UHMK1: variants seen among roughly 807,000 people sequenced by gnomAD.
The protein encoded by UHMK1 is U2AF homology motif kinase 1.
UHMK1 carries 18 observed loss-of-function variants against 44.0 expected under a neutral mutation model. The ratio of observed to expected loss-of-function variants is 0.41; its 90% CI spans 0.28 to 0.61. The LOEUF (loss-of-function observed/expected upper bound fraction) is 0.61, where lower values mean the gene tolerates loss of function less well. UHMK1 is among the 20% of genes least tolerant of loss of function. UHMK1 has a pLI of 0.31. For missense variants in UHMK1, 463 were observed against 522.5 expected (o/e 0.89, Z 1.11); for synonymous variants, 231 against 198.5 (o/e 1.16, Z -1.38).
chr1:162,501,026 G>T lies in UHMK1; in HGVS notation c.675G>T (p.Leu225=). 6.2e-7 allele frequency: 1 copy of T among 1,614,084 alleles called. No homozygotes were observed. Among genetic ancestry groups the T allele is most frequent in the South Asian group, 1.1e-5 (1 of 91,068 alleles). Residue 225 remains leucine, a synonymous_variant, in exon 3 of 8, where the codon CTG becomes CTT. Transcript: ENST00000489294. ...SDTECTSAVD[L]WSLGIILLEM... ...CAGAATGTACCTCAGCTGTTGATCT[G>T]TGGAGCCTAGGAATCATTTTACTGG...
chr1:162,511,940 GTC>G (rs1651683761), intron 4 of UHMK1, among the ~76,000 whole-genome samples: 1 of 151,860 alleles, frequency 6.6e-6, no homozygotes, highest in Non-Finnish European at 1.5e-5. Flanking sequence ...TGTTTCATCA[GTC>G]TGTGTGTCTG....
At chr1:162,501,723 T>G (rs1405546349) in intron 3 of UHMK1, among the ~76,000 whole-genome samples, 1 of 152,158 alleles carries the variant, frequency 6.6e-6, no homozygotes, top group Non-Finnish European at 1.5e-5. Flanking sequence ...AGTTCTAAAG[T>G]GTTACTAATA....
chr1:162,501,477 T>C (rs987645610), intron 3 of UHMK1, among the ~76,000 whole-genome samples: 1 of 152,190 alleles, frequency 6.6e-6, no homozygotes, highest in African/African-American at 2.4e-5. Flanking sequence ...CAATTTATGA[T>C]GATTCTTTTA....
intron 3 of UHMK1, among the ~76,000 whole-genome samples, chr1:162,502,240 C>T (rs1651297398): frequency 6.6e-6 from 1 of 152,164 alleles, no homozygotes; most frequent in Admixed American, 6.5e-5. Context: ...TATTAAGCAA[C>T]AAGTTTTTGA....
rs1652337631 is a variant in UHMK1 at position 162,528,715 on chromosome 1, CTG to C, written c.*6167_*6168del. Reference sequence around the variant, plus strand: ...CTCTGTAGATTATTTACTTTGCAGACTGTAAAGCTGCCCTATCTTTTCCAGCA... The same window carrying C: ...CTCTGTAGATTATTTACTTTGCAGACTAAAGCTGCCCTATCTTTTCCAGCA... On this transcript the variant is annotated 3_prime_UTR_variant, in exon 8 of 8. Coordinates refer to ENST00000489294, the MANE Select transcript of UHMK1 (RefSeq NM_175866.5). 1 of 152,078 alleles carries C rather than the reference CTG, an allele frequency of 6.6e-6. No individual in the cohort carries two copies. The highest frequency in any genetic ancestry group is 1.5e-5 in the Non-Finnish European group (1 of 67,966). 9.4% of individuals were successfully genotyped at this position (152,078 alleles called of 1,614,324 possible). A position where few individuals can be genotyped will look rare whatever the true frequency, so the allele number is the denominator to read the frequency against.
chr1:162,501,244 A>G, intron 3 of UHMK1, 140 bp downstream of exon 3: 1 of 791,258 alleles, frequency 1.3e-6, no homozygotes, highest in Non-Finnish European at 1.9e-6. Context: ...ATCTCAGCTC[A>G]CTGCAACCTC....
intron 1 of UHMK1, 37 bp downstream of exon 1, chr1:162,498,305 TCACA>T (rs1651138191): frequency 1.3e-6 from 2 of 1,549,976 alleles, no homozygotes; most frequent in Non-Finnish European, 1.7e-6. Flanking sequence ...CTTGCCCAGG[TCACA>T]GTCCGAGCAC....
chr1:162,529,503 T>C lies in UHMK1; in HGVS notation c.*6953T>C, dbSNP rs1246072665. 5 of 152,196 alleles carry C rather than the reference T, an allele frequency of 3.3e-5. No homozygotes were observed. The highest frequency in any genetic ancestry group is 5.9e-5 in the Non-Finnish European group (4 of 67,994). The allele number at this position is 152,196 out of a possible 1,614,324, so 9.4% of individuals were successfully genotyped here. ...CTGAAGACTTTTTCTGTAAACACAA[T>C]TGCCTTGTTCAGTTTTGTTGTAAAC... On this transcript the variant is annotated 3_prime_UTR_variant, in exon 8 of 8. Transcript: ENST00000489294.
In UHMK1 at chr1:162,526,421, T is replaced by A. The variant is rs1652254679; in HGVS notation, c.*3871T>A. The A allele has an allele frequency of 2.0e-5, 3 of 152,142 alleles. No homozygotes were observed. The highest frequency in any genetic ancestry group is 7.2e-5 in the African/African-American group (3 of 41,432). 9.4% of individuals were successfully genotyped at this position (152,142 alleles called of 1,614,324 possible). ...TAGACACTTATGCAGGGGTACATGC[T>A]AGGTGGCTTTATTCAGATTCGGGTA... On this transcript the variant is annotated 3_prime_UTR_variant, in exon 8 of 8. Transcript: ENST00000489294.
chr1:162,509,185 C>T (rs1429805925), intron 4 of UHMK1, among the ~76,000 whole-genome samples: 1 of 152,204 alleles, frequency 6.6e-6, no homozygotes, highest in Non-Finnish European at 1.5e-5. Context: ...AGGGCTCCCT[C>T]TTCTGTTGTT....
At chr1:162,502,199 T>A (rs2101670295) in intron 3 of UHMK1, among the ~76,000 whole-genome samples, 2 of 152,266 alleles carry the variant, frequency 1.3e-5, no homozygotes, top group South Asian at 4.1e-4. Flanking sequence ...CATAAAAAGT[T>A]CATTCAAATA....
chr1:162,509,612 A>G (rs976588506), intron 4 of UHMK1, among the ~76,000 whole-genome samples: 2 of 152,052 alleles, frequency 1.3e-5, no homozygotes, highest in Admixed American at 1.3e-4. Flanking sequence ...AAATCTTACA[A>G]CTATTGATAG....
At chr1:162,513,061 C>T (rs1651723000) in intron 6 of UHMK1, 1 of 276,726 alleles carries the variant, frequency 3.6e-6, no homozygotes, top group Non-Finnish European at 6.5e-6. Context: ...CAAGCCTCAG[C>T]CCCCCAAGTA....
At chr1:162,497,262 C>G (rs1213436143), upstream of UHMK1, 2 of 702,270 alleles carry the variant, frequency 2.8e-6, no homozygotes, top group Non-Finnish European at 5.2e-6. Flanking sequence ...TGTTTCTTAC[C>G]AGACCGAAGG....
At chr1:162,512,932 C>A in intron 6 of UHMK1, 109 bp downstream of exon 6, 2 of 1,087,776 alleles carry the variant, frequency 1.8e-6, no homozygotes, top group South Asian at 1.4e-5. Context: ...GAATATTGAA[C>A]AATATGATCT....
In UHMK1 at chr1:162,498,195, G is replaced by T; in HGVS notation, c.195G>T (p.Ala65=). ...TGCCGCCAGGAACCACCGGGGCTGC[G>T]GCCTCTGCCGCCGAGTATGGTTTCC... The part of the protein sequence containing the change: ...QFLPPGTTGA[A]ASAAEYGFRK... The change falls in exon 1 of 8, where the codon GCG becomes GCT. Residue 65 remains alanine (A), a synonymous_variant. Transcript: ENST00000489294. 6.2e-7 allele frequency: 1 copy of T among 1,612,924 alleles called. No individual in the cohort carries two copies. The highest frequency in any genetic ancestry group is 1.7e-4 in the Middle Eastern group (1 of 6,054).
At chr1:162,504,893 G>C (rs1402177069) in intron 4 of UHMK1, among the ~76,000 whole-genome samples, 2 of 152,080 alleles carry the variant, frequency 1.3e-5, no homozygotes, top group African/African-American at 2.4e-5. Flanking sequence ...TTGTGCCTCA[G>C]CCTCTTGAGT....
intron 3 of UHMK1, among the ~76,000 whole-genome samples, chr1:162,502,392 T>A (rs1049633284): frequency 6.6e-6 from 1 of 152,246 alleles, no homozygotes; most frequent in Non-Finnish European, 1.5e-5. Context: ...GCCCAATGTA[T>A]GTACCTGATG....
chr1:162,497,894 C>T lies in UHMK1; in HGVS notation c.-107C>T, dbSNP rs1011678585. The T allele has an allele frequency of 3.5e-6, 5 of 1,420,100 alleles. No individual in the cohort carries two copies. The highest frequency in any genetic ancestry group is 3.1e-5 in the South Asian group (2 of 64,234). 88.0% of individuals were successfully genotyped at this position (1,420,100 alleles called of 1,614,324 possible). On this transcript the variant is annotated 5_prime_UTR_variant, in exon 1 of 8. Coordinates refer to ENST00000489294, the MANE Select transcript of UHMK1 (RefSeq NM_175866.5). The stretch of plus-strand genomic sequence containing the variant: ...GAGTCGGTGAGGCGGCTGCAGGTCC[C>T]TCCCTGCGGAGCCGCTGGTCCGGCT...
Sources: allele counts gnomAD v4.1 joint callset (sites outside exome capture counted in the v4.1 genomes callset), GRCh38; gene constraint gnomAD v4.1.1; transcripts MANE v1.5; gene names NCBI Gene and HGNC (gene_info 2026-07-23, HGNC 2026-07-21).